SERTAD4: variants seen among roughly 807,000 people sequenced by gnomAD.
The protein encoded by SERTAD4 is SERTA domain-containing protein 4.
SERTAD4 carries 18 observed loss-of-function variants against 32.9 expected under a neutral mutation model. The observed-to-expected ratio is 0.55, with a 90% confidence interval of 0.38 to 0.81. SERTAD4 has a LOEUF of 0.81. Ranked by LOEUF, SERTAD4 falls within the 30% of genes least tolerant of loss-of-function variation. The pLI is 0.00. For missense variants in SERTAD4, 383 were observed against 426.0 expected (o/e 0.90, Z 0.89); for synonymous variants, 150 against 156.4 (o/e 0.96, Z 0.30).
Position 210,241,976 on chromosome 1 carries a change from T to A in SERTAD4, c.710T>A (p.Leu237Ter). 1 of 1,614,118 alleles carries A rather than the reference T, an allele frequency of 6.2e-7. No individual in the cohort carries two copies. The highest frequency in any genetic ancestry group is 8.5e-7 in the Non-Finnish European group (1 of 1,179,976). ...SSSSSSPPLP[L>*]PSCSRQVDFD... is the part of the protein sequence containing the mutation. ...TCCTCTTCCTCTCCCCCTTTGCCTTTACCGAGTTGTTCCCGCCAGGTGGAT... is the reference window on the plus strand; with the variant it reads ...TCCTCTTCCTCTCCCCCTTTGCCTTAACCGAGTTGTTCCCGCCAGGTGGAT... The change falls in exon 4 of 4, where the codon TTA (leucine) becomes TAA (stop). Residue 237 changes from leucine to a stop codon, truncating the protein, a stop_gained. Coordinates refer to ENST00000367012, the MANE Select transcript of SERTAD4 (RefSeq NM_019605.5). LOFTEE classifies it high-confidence loss of function.
chr1:210,237,731 G>A (rs1210450467), intron 1 of SERTAD4, among the ~76,000 whole-genome samples: 1 of 152,166 alleles, frequency 6.6e-6, no homozygotes, highest in Non-Finnish European at 1.5e-5. Flanking sequence ...CCCATGAAAT[G>A]CAGATTGCTG....
chr1:210,245,736 C>G lies in SERTAD4; in HGVS notation c.*3399C>G. The stretch of plus-strand genomic sequence containing the variant: ...AGTTAACTCCATCAAGACATGGCTA[C>G]CCACCCCTCCAGTTATGAACTTGTA... On this transcript the variant is annotated 3_prime_UTR_variant, in exon 4 of 4. Transcript: ENST00000367012. 1.1e-6 allele frequency: 1 copy of G among 899,400 alleles called. No homozygotes were observed. Among genetic ancestry groups the G allele is most frequent in the Non-Finnish European group, 1.3e-6 (1 of 751,522 alleles). 55.7% of individuals were successfully genotyped at this position (899,400 alleles called of 1,614,324 possible). A position where few individuals can be genotyped will look rare whatever the true frequency, so the allele number is the denominator to read the frequency against.
At position 210,246,169 on chromosome 1, in the gene SERTAD4, T is replaced by C. The variant is rs2084047303; in HGVS notation, c.*3832T>C. Reference sequence around the variant, plus strand: ...AAATAATAAAAGAAGAGACAATGTATGGTTTATAGTGATTCATTTTAAGAT... The same window carrying C: ...AAATAATAAAAGAAGAGACAATGTACGGTTTATAGTGATTCATTTTAAGAT... On this transcript the variant is annotated 3_prime_UTR_variant, in exon 4 of 4. Coordinates refer to ENST00000367012, the MANE Select transcript of SERTAD4 (RefSeq NM_019605.5). The C allele has an allele frequency of 6.5e-6, 1 of 153,128 alleles. No individual in the cohort carries two copies. Among genetic ancestry groups the C allele is most frequent in the Non-Finnish European group, 1.5e-5 (1 of 68,838 alleles). The allele number at this position is 153,128 out of a possible 1,614,324, so 9.5% of individuals were successfully genotyped here.
chr1:210,238,068 C>G lies in SERTAD4; in HGVS notation c.108C>G (p.Gly36=). The change falls in exon 2 of 4, where the codon GGC becomes GGG. Residue 36 remains glycine, a synonymous_variant. Transcript: ENST00000367012. ...QTLWEADSYG[G]PSPPGPAQAP... is the part of the protein sequence containing the mutation. Reference sequence around the variant, plus strand: ...TATGGGAGGCTGACAGCTACGGAGGCCCAAGCCCCCCAGGGCCAGCACAAG... The same window carrying G: ...TATGGGAGGCTGACAGCTACGGAGGGCCAAGCCCCCCAGGGCCAGCACAAG... 6.2e-7 allele frequency: 1 copy of G among 1,613,378 alleles called. No individual in the cohort carries two copies. The highest frequency in any genetic ancestry group is 2.2e-5 in the East Asian group (1 of 44,870).
In SERTAD4 at chr1:210,233,914, C is replaced by T. The variant is rs578225181; in HGVS notation, c.-18+903C>T. On this transcript the variant is annotated intron_variant, in intron 1 of 3. Coordinates refer to ENST00000367012, the MANE Select transcript of SERTAD4 (RefSeq NM_019605.5). ...GGCCCGGGCCAGCCCCGCCAGAGCC[C>T]TGCCAGCCGCTGTGAGTCATTTCCT... 343 of 436,218 alleles carry T rather than the reference C, an allele frequency of 7.9e-4. 1 individual carries two copies. Among genetic ancestry groups the T allele is most frequent in the African/African-American group, 6.7e-3 (314 of 47,078 alleles). The allele number at this position is 436,218 out of a possible 1,614,324, so 27.0% of individuals were successfully genotyped here. A position where few individuals can be genotyped will look rare whatever the true frequency, so the allele number is the denominator to read the frequency against.
chr1:210,238,917 T>A (rs1014226337), intron 2 of SERTAD4, among the ~76,000 whole-genome samples: 1 of 152,198 alleles, frequency 6.6e-6, no homozygotes, highest in Non-Finnish European at 1.5e-5. Flanking sequence ...TCTTCATGGT[T>A]GGCATACTAC....
At position 210,238,036 on chromosome 1, in the gene SERTAD4, C is replaced by T; in HGVS notation, c.76C>T (p.Gln26Ter). Residue 26 changes from glutamine (Q) to a stop codon, truncating the protein, a stop_gained, in exon 2 of 4, where the codon CAA (glutamine) becomes TAA (stop). Coordinates refer to ENST00000367012, the MANE Select transcript of SERTAD4 (RefSeq NM_019605.5). LOFTEE classifies it high-confidence loss of function. ...SEGAAEIAGY[Q>*]TLWEADSYGG... is the part of the protein sequence containing the mutation. ...AGGAGCTGCTGAAATTGCTGGGTACCAAACACTATGGGAGGCTGACAGCTA... is the reference window on the plus strand; with the variant it reads ...AGGAGCTGCTGAAATTGCTGGGTACTAAACACTATGGGAGGCTGACAGCTA... 6.2e-7 allele frequency: 1 copy of T among 1,614,016 alleles called. No individual in the cohort carries two copies.
Position 210,243,093 on chromosome 1 carries a change from C to CAAAAAAAA in SERTAD4, c.*771_*778dup, listed in dbSNP as rs57426441. 1.8e-4 allele frequency: 88 copies of CAAAAAAAA among 486,176 alleles called. No homozygotes were observed. The highest frequency in any genetic ancestry group is 7.1e-4 in the East Asian group (3 of 4,200). The allele number at this position is 486,176 out of a possible 1,614,324, so 30.1% of individuals were successfully genotyped here. Reference sequence around the variant, plus strand: ...TACAGCAGGGATTTAACAAACAGGACAAAAAAAAAAAAAAAAAAAAAACCA... The same window carrying CAAAAAAAA: ...TACAGCAGGGATTTAACAAACAGGACAAAAAAAAAAAAAAAAAAAAAAAAAAAAAACCA... On this transcript the variant is annotated 3_prime_UTR_variant, in exon 4 of 4. Transcript: ENST00000367012.
intron 1 of SERTAD4, among the ~76,000 whole-genome samples, chr1:210,236,660 A>T (rs2083943276): frequency 6.6e-6 from 1 of 152,198 alleles, no homozygotes; most frequent in Admixed American, 6.5e-5. Context: ...AAGCTGTATA[A>T]TTTGGAAAAG....
intron 1 of SERTAD4, chr1:210,234,091 G>C: frequency 3.5e-6 from 1 of 289,044 alleles, no homozygotes; most frequent in Non-Finnish European, 6.6e-6. Context: ...ACTTGCCTTT[G>C]TTCCCGGACA....
chr1:210,245,817 A>G lies in SERTAD4; in HGVS notation c.*3480A>G, dbSNP rs180883812. On this transcript the variant is annotated 3_prime_UTR_variant, in exon 4 of 4. Coordinates refer to ENST00000367012, the MANE Select transcript of SERTAD4 (RefSeq NM_019605.5). ...TGTATCAGGAGCAGAGCAGAGGACAACTTGTAGAAGACATGACCATTAAGA... is the reference window on the plus strand; with the variant it reads ...TGTATCAGGAGCAGAGCAGAGGACAGCTTGTAGAAGACATGACCATTAAGA... 1.0e-6 allele frequency: 1 copy of G among 985,390 alleles called. No homozygotes were observed. The highest frequency in any genetic ancestry group is 6.1e-5 in the Admixed American group (1 of 16,280). 61.0% of individuals were successfully genotyped at this position (985,390 alleles called of 1,614,324 possible).
At chr1:210,235,052 TTTTTC>T (rs1204161471) in intron 1 of SERTAD4, among the ~76,000 whole-genome samples, 3 of 152,116 alleles carry the variant, frequency 2.0e-5, no homozygotes, top group Non-Finnish European at 4.4e-5. Flanking sequence ...AGGGCTTTTT[TTTTTC>T]TTATCTTTTA....
rs1012854426 is a variant in SERTAD4 at position 210,244,785 on chromosome 1, G to A, written c.*2448G>A. The A allele has an allele frequency of 3.3e-5, 5 of 151,978 alleles. No homozygotes were observed. The highest frequency in any genetic ancestry group is 1.9e-4 in the East Asian group (1 of 5,184). 9.4% of individuals were successfully genotyped at this position (151,978 alleles called of 1,614,324 possible). Reference sequence around the variant, plus strand: ...GAGCTGTGAGCGCCTGCACCTGTTCGGTAGAACCCACTAGAATCACTTCTC... The same window carrying A: ...GAGCTGTGAGCGCCTGCACCTGTTCAGTAGAACCCACTAGAATCACTTCTC... On this transcript the variant is annotated 3_prime_UTR_variant, in exon 4 of 4. Transcript: ENST00000367012.
intron 1 of SERTAD4, 72 bp from the exon 2 acceptor site, chr1:210,237,872 A>G (rs2083955926): frequency 8.2e-7 from 1 of 1,215,942 alleles, no homozygotes; most frequent in Admixed American, 2.2e-5. Context: ...TGAAGATGCC[A>G]AGGCCGTCCC....
intron 3 of SERTAD4, among the ~76,000 whole-genome samples, chr1:210,241,197 G>T (rs1465239443): frequency 6.6e-6 from 1 of 152,042 alleles, no homozygotes; most frequent in Non-Finnish European, 1.5e-5. Context: ...CTCCTCTCCT[G>T]ACTTCTAATA....
intron 3 of SERTAD4, 122 bp from the exon 4 acceptor site, chr1:210,241,436 C>T: frequency 1.0e-6 from 1 of 1,003,006 alleles, no homozygotes; most frequent in Non-Finnish European, 1.4e-6. Flanking sequence ...ACAACATGCC[C>T]AGACCCAGAC....
At position 210,242,123 on chromosome 1, in the gene SERTAD4, C is replaced by A. The variant is rs1478097193; in HGVS notation, c.857C>A (p.Ala286Glu). The A allele has an allele frequency of 1.2e-6, 2 of 1,614,094 alleles. No homozygotes were observed. Among genetic ancestry groups the A allele is most frequent in the Non-Finnish European group, 1.7e-6 (2 of 1,180,050 alleles). The part of the protein sequence containing the change: ...QEKAKLNDEK[A>E]NDDTNRDGGP... ...AAGGCCAAATTAAATGATGAGAAAG[C>A]AAATGATGACACCAACAGAGATGGT... Residue 286 changes from alanine to glutamate, a missense_variant, in exon 4 of 4, where the codon GCA becomes GAA. Ala to Glu is a moderately radical substitution (Grantham distance 107). Transcript: ENST00000367012. This position sits in a 1 kb window ranked among gnomAD's most constrained non-coding sequence, Gnocchi z 4.0.
chr1:210,233,553 C>G, intron 1 of SERTAD4: 1 of 402,564 alleles, frequency 2.5e-6, no homozygotes, highest in Admixed American at 3.4e-5. Flanking sequence ...CTTCTGTCCC[C>G]CGCCACCTCC....
In SERTAD4 at chr1:210,243,114, AAC is replaced by A; in HGVS notation, c.*778_*779del. The A allele has an allele frequency of 7.2e-6, 5 of 695,886 alleles. No individual in the cohort carries two copies. Among genetic ancestry groups the A allele is most frequent in the Non-Finnish European group, 8.8e-6 (5 of 567,454 alleles). 43.1% of individuals were successfully genotyped at this position (695,886 alleles called of 1,614,324 possible). On this transcript the variant is annotated 3_prime_UTR_variant, in exon 4 of 4. Transcript: ENST00000367012. ...AGGACAAAAAAAAAAAAAAAAAAAA[AAC>A]CACAGGGTGGATCAATATGGTTTGG...
Sources: allele counts gnomAD v4.1 joint callset (sites outside exome capture counted in the v4.1 genomes callset), GRCh38; gene constraint gnomAD v4.1.1; non-coding constraint Gnocchi (gnomAD v3.1); transcripts MANE v1.5; gene names NCBI Gene and HGNC (gene_info 2026-07-23, HGNC 2026-07-21).